The following SNTG1 variants were observed in gnomAD, a reference collection of about 807,000 sequenced individuals.
SNTG1 encodes gamma-1-syntrophin.
Under a neutral mutation model 74.7 loss-of-function variants are expected in SNTG1, and 39 were observed. That is an observed-to-expected ratio of 0.52 (90% CI 0.40 to 0.68). The LOEUF is 0.68. Ranked by LOEUF, SNTG1 falls within the 30% of genes least tolerant of loss-of-function variation. The pLI is 0.00. For synonymous variants in SNTG1, 254 were observed against 217.1 expected (o/e 1.17, Z -1.49); for missense variants, 685 against 609.5 (o/e 1.12, Z -1.30).
At chr8:50,489,705 T>C (rs1587800534) in intron 8 of SNTG1, among the ~76,000 whole-genome samples, 1 of 152,274 alleles carries the variant, frequency 6.6e-6, no homozygotes, top group African/African-American at 2.4e-5. Context: ...TTGCAAAAAT[T>C]TTCTCCCATT....
intron 1 of SNTG1, among the ~76,000 whole-genome samples, chr8:50,017,654 T>A (rs1203914060): frequency 6.6e-6 from 1 of 151,808 alleles, no homozygotes; most frequent in Non-Finnish European, 1.5e-5. Context: ...AGATAAAATG[T>A]TATAAGAGTC....
At chr8:50,131,326 G>A (rs1586405868) in intron 1 of SNTG1, among the ~76,000 whole-genome samples, 1 of 151,938 alleles carries the variant, frequency 6.6e-6, no homozygotes. Flanking sequence ...CTTTTTTGGA[G>A]GTATAATTGA....
chr8:50,244,761 G>T lies in SNTG1; in HGVS notation c.-28+72126G>T, dbSNP rs556328107. 8.5e-5 allele frequency among the ~76,000 whole-genome samples: 13 copies of T among 152,212 alleles called. No homozygotes were observed. The South Asian group carries it at 2.7e-3, about 32-fold the overall frequency. ...TTTGCCAATGTAAGACCACATAATG[G>T]TTAGTCAAGTGTCAAGATATTCAGG... On this transcript the variant is annotated intron_variant, in intron 2 of 18. Transcript: ENST00000642720.
chr8:50,587,657 T>C (rs2094659972), intron 12 of SNTG1, among the ~76,000 whole-genome samples: 1 of 151,506 alleles, frequency 6.6e-6, no homozygotes, highest in African/African-American at 2.4e-5. Flanking sequence ...AAACCCTGTC[T>C]CTACTAAAAA....
intron 2 of SNTG1, among the ~76,000 whole-genome samples, chr8:50,249,817 A>G (rs2086566821): frequency 6.6e-6 from 1 of 152,180 alleles, no homozygotes; most frequent in African/African-American, 2.4e-5. Flanking sequence ...CATTTACAGG[A>G]AAAAGCTTTT....
At chr8:50,441,549 T>C (rs2093357769) in intron 5 of SNTG1, among the ~76,000 whole-genome samples, 4 of 152,208 alleles carry the variant, frequency 2.6e-5, no homozygotes, top group Admixed American at 2.6e-4. Context: ...GAGAAAAATA[T>C]ATATTTAGTA....
intron 8 of SNTG1, among the ~76,000 whole-genome samples, chr8:50,484,282 C>T (rs1366096226): frequency 6.7e-6 from 1 of 150,358 alleles, no homozygotes; most frequent in African/African-American, 2.5e-5. Context: ...ATGGCACAGT[C>T]TCAGCTCACT....
At chr8:50,625,396 G>A (rs2094949872) in intron 13 of SNTG1, among the ~76,000 whole-genome samples, 2 of 152,156 alleles carry the variant, frequency 1.3e-5, no homozygotes, top group African/African-American at 4.8e-5. Context: ...CAGCAGTTCT[G>A]ATGACTATGT....
At chr8:49,918,530 A>G (rs1389214051) in intron 1 of SNTG1, among the ~76,000 whole-genome samples, 1 of 152,190 alleles carries the variant, frequency 6.6e-6, no homozygotes, top group Non-Finnish European at 1.5e-5. Context: ...TAATTTCTTT[A>G]GAAAGTTATT....
chr8:49,967,862 T>C (rs1412560094), intron 1 of SNTG1, among the ~76,000 whole-genome samples: 1 of 152,156 alleles, frequency 6.6e-6, no homozygotes, highest in East Asian at 1.9e-4. Flanking sequence ...CTACTGACAT[T>C]TGTAGTTTAA....
intron 15 of SNTG1, among the ~76,000 whole-genome samples, chr8:50,675,926 T>C (rs1296985268): frequency 6.6e-6 from 1 of 151,530 alleles, no homozygotes; most frequent in Non-Finnish European, 1.5e-5. Flanking sequence ...AAGCTTAGTT[T>C]GACTGGATAT....
intron 15 of SNTG1, among the ~76,000 whole-genome samples, chr8:50,668,455 A>G (rs886453672): frequency 4.6e-5 from 7 of 150,636 alleles, no homozygotes; most frequent in African/African-American, 1.7e-4. Context: ...TCTTTTAGCT[A>G]GATCTTGTCT....
chr8:50,377,164 G>A (rs190330489), intron 2 of SNTG1, among the ~76,000 whole-genome samples: 4 of 149,476 alleles, frequency 2.7e-5, no homozygotes, highest in Admixed American at 2.0e-4. Flanking sequence ...AAATTTTGAT[G>A]TAAGTGAGTT....
At chr8:50,482,217 A>G (rs2093746821) in intron 8 of SNTG1, among the ~76,000 whole-genome samples, 1 of 152,208 alleles carries the variant, frequency 6.6e-6, no homozygotes, top group Non-Finnish European at 1.5e-5. Flanking sequence ...TAGATATGAA[A>G]GTAAAAGCTG....
rs558756438 is a variant in SNTG1, at chr8:50,780,744, A to G, written c.1396-11927A>G. Among the ~76,000 whole-genome samples, 29 of 152,176 alleles carry G rather than the reference A, an allele frequency of 1.9e-4. No homozygotes were observed. The Middle Eastern group carries it at 0.02, about 107-fold the overall frequency. On this transcript the variant is annotated intron_variant, in intron 18 of 18. Transcript: ENST00000642720. ...TTTTAGTTATTTCTTGCCTTCTGCT[A>G]TCTTTTGAATGTGTTTGCTCTTGTT...
intron 1 of SNTG1, among the ~76,000 whole-genome samples, chr8:49,962,374 T>C (rs1488556029): frequency 2.0e-5 from 3 of 151,466 alleles, no homozygotes; most frequent in Non-Finnish European, 4.4e-5. Flanking sequence ...GCACAATGTG[T>C]TATTTTGAGT....
chr8:49,920,878 G>A (rs552969637), intron 1 of SNTG1, among the ~76,000 whole-genome samples: 108 of 152,154 alleles, frequency 7.1e-4, no homozygotes, highest in Non-Finnish European at 1.2e-3. Context: ...TAGTGATGCC[G>A]CTATCAAATA....
chr8:49,956,393 G>A (rs1337498734), intron 1 of SNTG1, among the ~76,000 whole-genome samples: 2 of 152,054 alleles, frequency 1.3e-5, no homozygotes, highest in African/African-American at 4.8e-5. Context: ...ACTTTATTTT[G>A]CTATTTTATA....
At chr8:50,765,120 T>C (rs1240391778) in intron 18 of SNTG1, among the ~76,000 whole-genome samples, 1 of 151,888 alleles carries the variant, frequency 6.6e-6, no homozygotes, top group Admixed American at 6.6e-5. Flanking sequence ...AATGGAGAGA[T>C]TTTGGTCAAA....
Sources: gnomAD v4.1 joint callset for allele counts (sites outside exome capture counted in the v4.1 genomes callset) on GRCh38, gnomAD v4.1.1 for gene constraint, MANE v1.5 for transcripts, NCBI Gene and HGNC (gene_info 2026-07-23, HGNC 2026-07-21) for gene names.